Variants in TXNRD1 observed in about 807,000 individuals in gnomAD.
TXNRD1 encodes thioredoxin reductase 1, cytoplasmic.
TXNRD1 carries 57 observed loss-of-function variants against 80.3 expected under a neutral mutation model. The observed-to-expected ratio is 0.71, with a 90% CI of 0.57 to 0.89. The LOEUF (loss-of-function observed/expected upper bound fraction) is 0.89, where lower values mean the gene tolerates loss of function less well. Ranked by LOEUF, TXNRD1 falls within the 40% of genes least tolerant of loss-of-function variation. The pLI is 0.00. For synonymous variants in TXNRD1, 291 were observed against 285.2 expected, an observed-to-expected ratio of 1.02 and a Z score of -0.20; for missense variants, 730 against 803.0, an observed-to-expected ratio of 0.91 and a Z score of 1.10.
At chr12:104,292,831 G>C (rs369715699) in intron 4 of TXNRD1, among the ~76,000 whole-genome samples, 2 of 152,080 alleles carry the variant, frequency 1.3e-5, no homozygotes, top group African/African-American at 4.8e-5. Flanking sequence ...TTAGAATTGC[G>C]GAAAACAAAG....
chr12:104,286,635 A>G (rs2033976905), intron 3 of TXNRD1: 2 of 763,264 alleles, frequency 2.6e-6, no homozygotes, highest in African/African-American at 1.9e-5. Flanking sequence ...CTCCACACCA[A>G]TGACATCAGA....
At chr12:104,234,640 A>AG (rs1221270269) in intron 1 of TXNRD1, among the ~76,000 whole-genome samples, 1 of 92,252 alleles carries the variant, frequency 1.1e-5, no homozygotes, top group Non-Finnish European at 2.1e-5. Flanking sequence ...AAGTCAGGGA[A>AG]AAAAAAAAAA....
intron 3 of TXNRD1, among the ~76,000 whole-genome samples, chr12:104,272,255 G>A (rs966592127): frequency 6.6e-6 from 1 of 152,182 alleles, no homozygotes; most frequent in Non-Finnish European, 1.5e-5. Context: ...GGCCCCTGCT[G>A]CTGTGTCTTT....
At position 104,259,635 on chromosome 12, in the gene TXNRD1, G is replaced by A. The variant is rs539340857; in HGVS notation, c.304+1556G>A. On this transcript the variant is annotated intron_variant, in intron 3 of 16. Coordinates refer to ENST00000525566, the MANE Select transcript of TXNRD1 (RefSeq NM_001093771.3). Reference sequence around the variant, plus strand: ...GCCTCCTGAGTAGCTGAGATTACAGGCATGCACCACTACGCCTGGCTAATT... The same window carrying A: ...GCCTCCTGAGTAGCTGAGATTACAGACATGCACCACTACGCCTGGCTAATT... Among the ~76,000 whole-genome samples, 42 of 151,884 alleles carry A rather than the reference G, an allele frequency of 2.8e-4. 1 individual carries two copies. Among genetic ancestry groups the A allele is most frequent in the African/African-American group, 9.7e-4 (40 of 41,418 alleles).
intron 1 of TXNRD1, among the ~76,000 whole-genome samples, chr12:104,233,013 A>T (rs980566984): frequency 5.9e-5 from 9 of 152,220 alleles, no homozygotes; most frequent in African/African-American, 2.2e-4. Flanking sequence ...GAACAAAGGA[A>T]GGAAGGGGGT....
chr12:104,300,885 AG>A (rs2034599256), intron 4 of TXNRD1, among the ~76,000 whole-genome samples: 1 of 152,128 alleles, frequency 6.6e-6, no homozygotes, highest in Non-Finnish European at 1.5e-5. Context: ...ACCTCAGGTG[AG>A]CCACCCACCT....
intron 3 of TXNRD1, among the ~76,000 whole-genome samples, chr12:104,280,876 AAAG>A (rs2033862148): frequency 6.6e-6 from 1 of 152,236 alleles, no homozygotes; most frequent in Non-Finnish European, 1.5e-5. Flanking sequence ...TCTTTAAAAA[AAAG>A]AAAAGAAAAA....
At chr12:104,344,099 TA>T (rs375014676) in intron 16 of TXNRD1, among the ~76,000 whole-genome samples, 2,819 of 147,796 alleles carry the variant, frequency 0.019, 82 homozygotes, top group African/African-American at 0.065. Flanking sequence ...CTATCTCAAA[TA>T]AAAAAAAAAG....
intron 6 of TXNRD1, among the ~76,000 whole-genome samples, chr12:104,313,989 A>T (rs1297770777): frequency 6.6e-6 from 1 of 152,218 alleles, no homozygotes; most frequent in Non-Finnish European, 1.5e-5. Flanking sequence ...AGGCCAAAGA[A>T]TGAGAATGAG....
At position 104,251,588 on chromosome 12, in the gene TXNRD1, C is replaced by T. The variant is rs1215091159; in HGVS notation, c.153C>T (p.Ala51=). 6.2e-7 allele frequency: 1 copy of T among 1,613,942 alleles called. No homozygotes were observed. Among genetic ancestry groups the T allele is most frequent in the Non-Finnish European group, 8.5e-7 (1 of 1,179,856 alleles). Residue 51 remains alanine, a synonymous_variant, in exon 2 of 17, where the codon GCC becomes GCT. Coordinates refer to ENST00000525566, the MANE Select transcript of TXNRD1 (RefSeq NM_001093771.3). ...PENPAGFTST[A]TADSRALLQA... ...ACCCAGCAGGATTCACCAGCACGGCCACTGCAGACTCCAGAGCCCTGCTTC... is the reference window on the plus strand; with the variant it reads ...ACCCAGCAGGATTCACCAGCACGGCTACTGCAGACTCCAGAGCCCTGCTTC...
At chr12:104,329,895 A>T (rs751785533) in intron 13 of TXNRD1, among the ~76,000 whole-genome samples, 1 of 152,160 alleles carries the variant, frequency 6.6e-6, no homozygotes, top group Non-Finnish European at 1.5e-5. Flanking sequence ...GTCTCTGAGC[A>T]GTAAGCTGGA....
chr12:104,265,843 C>T, intron 3 of TXNRD1: 1 of 1,406,858 alleles, frequency 7.1e-7, no homozygotes, highest in Non-Finnish European at 9.8e-7. Context: ...CTTCTAGGTG[C>T]AGGGCCCTCG....
intron 3 of TXNRD1, among the ~76,000 whole-genome samples, chr12:104,278,651 G>A (rs571861194): frequency 1.5e-3 from 228 of 151,160 alleles, no homozygotes; most frequent in African/African-American, 5.3e-3. Context: ...ATAGGTGCAC[G>A]CCACCACACC....
chr12:104,235,751 G>C (rs1469546012), intron 1 of TXNRD1, among the ~76,000 whole-genome samples: 1 of 152,214 alleles, frequency 6.6e-6, no homozygotes, highest in East Asian at 1.9e-4. Context: ...TAAGCCTGCT[G>C]TTTGAGCCAC....
intron 5 of TXNRD1, among the ~76,000 whole-genome samples, chr12:104,311,965 G>T (rs1280449034): frequency 6.6e-6 from 1 of 151,518 alleles, no homozygotes; most frequent in African/African-American, 2.4e-5. Flanking sequence ...TGGTCAACAG[G>T]AGCAAAACTC....
At chr12:104,233,881 A>G (rs2032678117) in intron 1 of TXNRD1, among the ~76,000 whole-genome samples, 2 of 152,190 alleles carry the variant, frequency 1.3e-5, no homozygotes, top group Non-Finnish European at 2.9e-5. Context: ...AACTCTGAAA[A>G]TCAAAACAAG....
intron 3 of TXNRD1, among the ~76,000 whole-genome samples, chr12:104,279,396 A>G (rs182003211): frequency 5.9e-5 from 9 of 152,318 alleles, no homozygotes; most frequent in African/African-American, 2.2e-4. Context: ...GATTTGCTCA[A>G]TGCTTGGAAG....
chr12:104,308,634 A>G (rs1009205059), intron 4 of TXNRD1, among the ~76,000 whole-genome samples: 1 of 152,148 alleles, frequency 6.6e-6, no homozygotes, highest in Non-Finnish European at 1.5e-5. Context: ...TTAAGATTGT[A>G]AAGGAGTCCT....
intron 4 of TXNRD1, among the ~76,000 whole-genome samples, chr12:104,294,242 C>CCCCCCCCG (rs57647930): frequency 3.4e-5 from 4 of 119,042 alleles, no homozygotes; most frequent in African/African-American, 9.5e-5. Flanking sequence ...GGCCCCCCCC[C>CCCCCCCCG]CCGCCGCCGG....
Sources: allele counts gnomAD v4.1 joint callset (sites outside exome capture counted in the v4.1 genomes callset), GRCh38; gene constraint gnomAD v4.1.1; transcripts MANE v1.5; gene names NCBI Gene and HGNC (gene_info 2026-07-23, HGNC 2026-07-21).